Variants in APBA1 observed in about 807,000 individuals in gnomAD.
APBA1 encodes amyloid-beta A4 precursor protein-binding family A member 1.
Under a neutral mutation model 86.6 loss-of-function variants are expected in APBA1, and 55 were observed. The ratio of observed to expected loss-of-function variants is 0.64; its 90% CI spans 0.51 to 0.80. APBA1 has a LOEUF of 0.80. Ranked by LOEUF, APBA1 falls within the 30% of genes least tolerant of loss-of-function variation. APBA1 has a pLI of 0.00. For missense variants in APBA1, 1,090 were observed against 1,183.0 expected (o/e 0.92, Z 1.15); for synonymous variants, 511 against 493.9 (o/e 1.03, Z -0.46).
chr9:69,511,816 C>G (rs934756386), intron 2 of APBA1, among the ~76,000 whole-genome samples: 1 of 151,750 alleles, frequency 6.6e-6, no homozygotes. Flanking sequence ...AGTAAACTAT[C>G]GCAAGAACAG....
intron 1 of APBA1, among the ~76,000 whole-genome samples, chr9:69,585,481 G>A (rs573620967): frequency 6.6e-6 from 1 of 152,280 alleles, no homozygotes; most frequent in African/African-American, 2.4e-5. Flanking sequence ...AGAGAAGGGG[G>A]ATGCCTCATG....
intron 3 of APBA1, among the ~76,000 whole-genome samples, chr9:69,472,144 T>C (rs1403193646): frequency 6.6e-6 from 1 of 152,238 alleles, no homozygotes; most frequent in Non-Finnish European, 1.5e-5. Context: ...GTGCTAAAAA[T>C]GTGTGCTAGA....
chr9:69,442,709 C>G (rs573475662), intron 10 of APBA1, among the ~76,000 whole-genome samples: 41 of 152,230 alleles, frequency 2.7e-4, no homozygotes, highest in Non-Finnish European at 5.0e-4. Flanking sequence ...GGGTGATCGT[C>G]TGCCTCTTAT....
intron 1 of APBA1, among the ~76,000 whole-genome samples, chr9:69,623,210 G>A (rs1303250811): frequency 6.6e-6 from 1 of 152,092 alleles, no homozygotes; most frequent in Non-Finnish European, 1.5e-5. Flanking sequence ...AGTGCTGGGA[G>A]TCTACTGCGC....
chr9:69,612,370 T>C (rs533510371), intron 1 of APBA1, among the ~76,000 whole-genome samples: 66 of 152,194 alleles, frequency 4.3e-4, no homozygotes, highest in Non-Finnish European at 7.5e-4. Context: ...TCCTGTGATC[T>C]GAAATCTTAA....
intron 1 of APBA1, among the ~76,000 whole-genome samples, chr9:69,618,022 A>G (rs1321170006): frequency 6.6e-6 from 1 of 152,096 alleles, no homozygotes; most frequent in East Asian, 1.9e-4. Context: ...TTAAATCTCA[A>G]CTTTAATTGC....
At chr9:69,618,736 G>T (rs2133987930) in intron 1 of APBA1, among the ~76,000 whole-genome samples, 1 of 152,236 alleles carries the variant, frequency 6.6e-6, no homozygotes, top group Middle Eastern at 3.4e-3. Context: ...AACAAAGAGA[G>T]GTGAGGGCTC....
At chr9:69,640,084 C>T (rs1823256161) in intron 1 of APBA1, among the ~76,000 whole-genome samples, 2 of 152,134 alleles carry the variant, frequency 1.3e-5, no homozygotes, top group African/African-American at 4.8e-5. Context: ...AAATAAATTA[C>T]TAAGGGAAAA....
chr9:69,451,340 C>CTGA (rs1835005365), intron 9 of APBA1, among the ~76,000 whole-genome samples: 1 of 152,260 alleles, frequency 6.6e-6, no homozygotes, highest in Admixed American at 6.5e-5. Context: ...TCTGGGGAAT[C>CTGA]TGACCTAAGA....
At chr9:69,534,101 A>T (rs1456681696) in intron 1 of APBA1, among the ~76,000 whole-genome samples, 1 of 152,230 alleles carries the variant, frequency 6.6e-6, no homozygotes, top group Non-Finnish European at 1.5e-5. Context: ...AAACAACACA[A>T]AGCAAATCTG....
At chr9:69,432,418 C>T in intron 12 of APBA1, 118 bp downstream of exon 12, 1 of 1,058,198 alleles carries the variant, frequency 9.5e-7, no homozygotes, top group Non-Finnish European at 1.3e-6. Context: ...GGGGAGTGTT[C>T]AGGATTGGAA....
At chr9:69,536,772 CA>C (rs1355377305) in intron 1 of APBA1, among the ~76,000 whole-genome samples, 5 of 146,126 alleles carry the variant, frequency 3.4e-5, no homozygotes, top group Non-Finnish European at 7.5e-5. Context: ...CCCAATTATT[CA>C]GGAGGCTGAG....
intron 5 of APBA1, chr9:69,460,582 C>G (rs1202898531): frequency 6.6e-6 from 1 of 151,938 alleles, no homozygotes; most frequent in Non-Finnish European, 1.5e-5. Flanking sequence ...CAAAATTCTT[C>G]AACTCTAGGG....
intron 2 of APBA1, among the ~76,000 whole-genome samples, chr9:69,514,774 G>A (rs917241711): frequency 1.3e-5 from 2 of 151,780 alleles, no homozygotes; most frequent in Non-Finnish European, 2.9e-5. Flanking sequence ...GCTGGACGTG[G>A]TGACACCTGC....
intron 1 of APBA1, among the ~76,000 whole-genome samples, chr9:69,637,164 A>G (rs1055917037): frequency 1.3e-5 from 2 of 152,138 alleles, no homozygotes; most frequent in South Asian, 2.1e-4. Context: ...GGAGATAAAA[A>G]TTAAAACCAT....
chr9:69,554,870 T>C (rs1836838615), intron 1 of APBA1, among the ~76,000 whole-genome samples: 2 of 152,188 alleles, frequency 1.3e-5, no homozygotes, highest in Non-Finnish European at 1.5e-5. Flanking sequence ...TTTATTTTGA[T>C]TCAGTAGTAA....
At chr9:69,493,510 T>C (rs1835747641) in intron 2 of APBA1, among the ~76,000 whole-genome samples, 1 of 152,086 alleles carries the variant, frequency 6.6e-6, no homozygotes, top group Admixed American at 6.5e-5. Flanking sequence ...TGCATTGTGT[T>C]TGTACCATTC....
intron 1 of APBA1, among the ~76,000 whole-genome samples, chr9:69,533,356 T>C (rs1170922469): frequency 6.6e-6 from 1 of 152,164 alleles, no homozygotes; most frequent in Non-Finnish European, 1.5e-5. Context: ...CATGAGCCTA[T>C]TAAAAAAACC....
intron 1 of APBA1, among the ~76,000 whole-genome samples, chr9:69,531,114 A>G (rs1836426531): frequency 6.6e-6 from 1 of 152,174 alleles, no homozygotes. Flanking sequence ...TTTTCTTCCT[A>G]CAAGGTCATC....
Sources: allele counts gnomAD v4.1 joint callset (sites outside exome capture counted in the v4.1 genomes callset), GRCh38; gene constraint gnomAD v4.1.1; transcripts MANE v1.5; gene names NCBI Gene and HGNC (gene_info 2026-07-23, HGNC 2026-07-21).